Variants in AGBL4 observed in about 807,000 individuals in gnomAD.
AGBL4 encodes AGBL carboxypeptidase 4.
Under a neutral mutation model 66.4 loss-of-function variants are expected in AGBL4, and 58 were observed. The observed-to-expected ratio is 0.87, with a 90% CI of 0.71 to 1.09. AGBL4 has a LOEUF of 1.09. AGBL4 is among the 50% of genes least tolerant of loss of function. AGBL4 has a pLI of 0.00. For synonymous variants in AGBL4, 234 were observed against 222.9 expected (o/e 1.05, Z -0.44); for missense variants, 579 against 631.0 (o/e 0.92, Z 0.88).
intron 4 of AGBL4, among the ~76,000 whole-genome samples, chr1:49,245,340 A>C (rs1244908782): frequency 1.3e-5 from 2 of 151,072 alleles, no homozygotes; most frequent in African/African-American, 4.9e-5. Context: ...ACTGAACTGT[A>C]GTCCCTAATG....
intron 1 of AGBL4, among the ~76,000 whole-genome samples, chr1:50,012,249 A>G (rs939388518): frequency 1.3e-5 from 2 of 152,040 alleles, no homozygotes; most frequent in Non-Finnish European, 2.9e-5. Context: ...AAAAAAAAAT[A>G]GAATGAATAA....
At chr1:49,514,943 A>G (rs1649642114) in intron 3 of AGBL4, among the ~76,000 whole-genome samples, 1 of 152,084 alleles carries the variant, frequency 6.6e-6, no homozygotes, top group Non-Finnish European at 1.5e-5. Flanking sequence ...CCTAGAAGAA[A>G]ACCTAGGCAA....
intron 4 of AGBL4, among the ~76,000 whole-genome samples, chr1:49,048,734 C>T (rs1202276165): frequency 2.0e-5 from 3 of 151,704 alleles, no homozygotes; most frequent in African/African-American, 7.3e-5. Context: ...TGATTTGATC[C>T]TCATAATAAC....
At chr1:49,692,597 G>A (rs539189662) in intron 3 of AGBL4, among the ~76,000 whole-genome samples, 1 of 151,982 alleles carries the variant, frequency 6.6e-6, no homozygotes, top group Non-Finnish European at 1.5e-5. Flanking sequence ...AGGTGCCTGT[G>A]GTCAGAGCTG....
intron 6 of AGBL4, among the ~76,000 whole-genome samples, chr1:48,680,546 G>A (rs547819775): frequency 6.6e-6 from 1 of 152,298 alleles, no homozygotes; most frequent in South Asian, 2.1e-4. Context: ...CCAGAGGATA[G>A]CAGCTTAGCC....
At chr1:48,560,445 T>C (rs17104505) in intron 11 of AGBL4, among the ~76,000 whole-genome samples, 16,592 of 152,230 alleles carry the variant, frequency 0.11, 1,403 homozygotes, top group African/African-American at 0.23. Flanking sequence ...TGTGAGGTTA[T>C]AGAAGGCCAG....
At chr1:48,588,183 G>A (rs1644854642) in intron 10 of AGBL4, among the ~76,000 whole-genome samples, 4 of 152,152 alleles carry the variant, frequency 2.6e-5, no homozygotes, top group Admixed American at 2.6e-4. Flanking sequence ...CCAGAACTAA[G>A]TGACTCCAGA....
At position 48,757,310 on chromosome 1, in the gene AGBL4, C is replaced by T. The variant is rs780416325; in HGVS notation, c.635-94069G>A. ...TTATCCCCATCCCCCATCACCACTA[C>T]AAGAACAATACAGCTTTTACAAATT... On this transcript the variant is annotated intron_variant, in intron 6 of 13. Transcript: ENST00000371839. 1.6e-4 allele frequency among the ~76,000 whole-genome samples: 24 copies of T among 152,210 alleles called. 1 individual carries two copies. The highest frequency in any genetic ancestry group is 2.9e-4 in the Non-Finnish European group (20 of 68,032).
intron 2 of AGBL4, among the ~76,000 whole-genome samples, chr1:49,717,828 A>G (rs1433769730): frequency 6.6e-6 from 1 of 152,046 alleles, no homozygotes; most frequent in African/African-American, 2.4e-5. Context: ...AAAAGTTGTT[A>G]AGTAAAATAA....
chr1:48,752,759 C>CT (rs888890541), intron 6 of AGBL4, among the ~76,000 whole-genome samples: 62 of 149,034 alleles, frequency 4.2e-4, no homozygotes, highest in African/African-American at 1.3e-3. Flanking sequence ...TCATTTACTC[C>CT]TTTTTTTTTT....
intron 3 of AGBL4, among the ~76,000 whole-genome samples, chr1:49,550,536 A>T (rs577303580): frequency 6.6e-6 from 1 of 152,272 alleles, no homozygotes; most frequent in South Asian, 2.1e-4. Flanking sequence ...TCTGAAAAAG[A>T]CTGTATCTTT....
At chr1:48,590,763 G>A (rs1042273739) in intron 10 of AGBL4, 70 bp downstream of exon 10, 3 of 1,497,318 alleles carry the variant, frequency 2.0e-6, no homozygotes, top group East Asian at 2.4e-5. Flanking sequence ...AAACTGAACT[G>A]AGTGAGAAGG....
chr1:49,016,546 G>A (rs1212568917), intron 5 of AGBL4, among the ~76,000 whole-genome samples: 1 of 152,076 alleles, frequency 6.6e-6, no homozygotes, highest in Non-Finnish European at 1.5e-5. Context: ...TTCTAGCTGG[G>A]GCCACACTCA....
At chr1:49,427,727 GAAC>G (rs1370892533) in intron 3 of AGBL4, among the ~76,000 whole-genome samples, 1 of 152,210 alleles carries the variant, frequency 6.6e-6, no homozygotes, top group Non-Finnish European at 1.5e-5. Flanking sequence ...TTATTGTGAA[GAAC>G]AAAAGAAGAA....
chr1:49,443,715 C>A (rs1448642778), intron 3 of AGBL4, among the ~76,000 whole-genome samples: 1 of 151,212 alleles, frequency 6.6e-6, no homozygotes, highest in Non-Finnish European at 1.5e-5. Context: ...CAGCCTTGTT[C>A]TTTCATTTTG....
chr1:49,996,662 TCCTTAG>T (rs1283781903), intron 1 of AGBL4, among the ~76,000 whole-genome samples: 2 of 152,076 alleles, frequency 1.3e-5, no homozygotes, highest in Admixed American at 1.3e-4. Context: ...GAAGAAAACA[TCCTTAG>T]CCTTGATAAA....
At chr1:49,125,664 A>G (rs1645750153) in intron 4 of AGBL4, among the ~76,000 whole-genome samples, 2 of 152,222 alleles carry the variant, frequency 1.3e-5, no homozygotes, top group South Asian at 4.1e-4. Context: ...TAGATTACAA[A>G]ACACTTTCCC....
chr1:49,131,015 C>A (rs1471141388), intron 4 of AGBL4, among the ~76,000 whole-genome samples: 1 of 151,910 alleles, frequency 6.6e-6, no homozygotes, highest in Non-Finnish European at 1.5e-5. Flanking sequence ...TTTACATCAA[C>A]AAATGAATAG....
chr1:48,574,791 G>A (rs1644624397), intron 11 of AGBL4, among the ~76,000 whole-genome samples: 1 of 151,974 alleles, frequency 6.6e-6, no homozygotes, highest in South Asian at 2.1e-4. Context: ...TCCTCTTATT[G>A]GCAGCACATT....
Sources: allele counts gnomAD v4.1 joint callset (sites outside exome capture counted in the v4.1 genomes callset), GRCh38; gene constraint gnomAD v4.1.1; transcripts MANE v1.5; gene names NCBI Gene and HGNC (gene_info 2026-07-23, HGNC 2026-07-21).